The following SIN3A variants were observed in gnomAD, a reference collection of about 807,000 sequenced individuals.
The protein encoded by SIN3A is SIN3 transcription regulator family member A.
A neutral mutation model predicts 146.1 loss-of-function variants in SIN3A; 14 were observed. The ratio of observed to expected loss-of-function variants is 0.10; its 90% confidence interval spans 0.06 to 0.15. SIN3A has a LOEUF of 0.15. Ranked by LOEUF, SIN3A falls within the 10% of genes least tolerant of loss-of-function variation. The pLI is 1.00. For synonymous variants in SIN3A, 572 were observed against 572.0 expected, an observed-to-expected ratio of 1.00 and a Z score of 0.00; for missense variants, 1,028 against 1,576.0, an observed-to-expected ratio of 0.65 and a Z score of 5.89.
intron 1 of SIN3A, among the ~76,000 whole-genome samples, chr15:75,439,925 C>T (rs947181267): frequency 4.0e-5 from 6 of 151,274 alleles, no homozygotes; most frequent in African/African-American, 1.5e-4. Flanking sequence ...CTGAGGCGGG[C>T]GGATCACCTG....
chr15:75,452,267 C>T (rs1465915243), upstream of SIN3A, among the ~76,000 whole-genome samples: 1 of 152,242 alleles, frequency 6.6e-6, no homozygotes, highest in Non-Finnish European at 1.5e-5. Context: ...GCTAATTCCA[C>T]CCTGCGCGAG....
rs138854954 is a variant in SIN3A at position 75,375,868 on chromosome 15, G to A, written c.3388C>T (p.Leu1130=). The A allele has an allele frequency of 5.6e-4, 901 of 1,613,900 alleles. 2 individuals are homozygous for A. The highest frequency in any genetic ancestry group is 7.0e-4 in the Non-Finnish European group (829 of 1,180,022). The change falls in exon 20 of 21, where the codon CTA becomes TTA. Residue 1130 remains leucine, a synonymous_variant. Transcript: ENST00000394947. The stretch of plus-strand genomic sequence containing the variant: ...CGTTGACACTTCCGGATCCGCCGTA[G>A]ATTCCTATTGCAGAAAAGCCCCGGA... ...AQKPVFLPRN[L]RRIRKCQRGR...
In SIN3A at chr15:75,407,099, C is replaced by T; in HGVS notation, c.1363G>A (p.Ala455Thr). The change falls in exon 9 of 21, where the codon GCC (alanine) becomes ACC (threonine). Residue 455 changes from alanine to threonine, a missense_variant. Physicochemically the swap from Ala to Thr is moderately conservative, Grantham distance 58 (BLOSUM62 0). Around this residue, in one of 9 missense-constraint regions of SIN3A, gnomAD observed 62 missense variants for 63.5 expected, o/e 0.98. Coordinates refer to ENST00000394947, the MANE Select transcript of SIN3A (RefSeq NM_001145358.2). Reference protein sequence around the residue: ...LNLKDSSMADASKHGGGTESL... With the variant: ...LNLKDSSMADTSKHGGGTESL... ...TCTGTTCCACCACCATGTTTGCTGGCATCTGCCATAGAAGAATCCTTCAGA... is the reference window on the plus strand; with the variant it reads ...TCTGTTCCACCACCATGTTTGCTGGTATCTGCCATAGAAGAATCCTTCAGA... 6.2e-7 allele frequency: 1 copy of T among 1,613,278 alleles called. No individual in the cohort carries two copies. The highest frequency in any genetic ancestry group is 8.5e-7 in the Non-Finnish European group (1 of 1,179,606).
intron 1 of SIN3A, among the ~76,000 whole-genome samples, chr15:75,443,944 C>T (rs1331493549): frequency 6.6e-6 from 1 of 152,178 alleles, no homozygotes; most frequent in Non-Finnish European, 1.5e-5. Flanking sequence ...TGATTTATTT[C>T]ACTACTGCAT....
intron 1 of SIN3A, among the ~76,000 whole-genome samples, chr15:75,439,391 A>T (rs1489472428): frequency 6.6e-6 from 1 of 150,944 alleles, no homozygotes; most frequent in African/African-American, 2.4e-5. Flanking sequence ...CCCAGGCTGG[A>T]GCGCAGTGGC....
chr15:75,376,494 T>C (rs985400941), intron 19 of SIN3A: 4 of 153,206 alleles, frequency 2.6e-5, no homozygotes, highest in African/African-American at 9.7e-5. Flanking sequence ...GGTGGTAGGC[T>C]TGCTAAATCT....
Position 75,371,382 on chromosome 15 carries a change from C to G in SIN3A, c.*597G>C, listed in dbSNP as rs1333495519. Reference sequence around the variant, plus strand: ...AGAAAAGGGTAGGCAGCAAGGGAATCGTCAGGAATAAAATCCACAAGATGA... The same window carrying G: ...AGAAAAGGGTAGGCAGCAAGGGAATGGTCAGGAATAAAATCCACAAGATGA... On this transcript the variant is annotated 3_prime_UTR_variant, in exon 21 of 21. Transcript: ENST00000394947. 6.6e-6 allele frequency: 1 copy of G among 152,108 alleles called. No individual in the cohort carries two copies. The highest frequency in any genetic ancestry group is 1.5e-5 in the Non-Finnish European group (1 of 68,060). 9.4% of individuals were successfully genotyped at this position (152,108 alleles called of 1,614,324 possible). A position where few individuals can be genotyped will look rare whatever the true frequency, so the allele number is the denominator to read the frequency against.
intron 2 of SIN3A, among the ~76,000 whole-genome samples, chr15:75,428,544 G>C (rs2073964036): frequency 6.6e-6 from 1 of 152,044 alleles, no homozygotes; most frequent in Admixed American, 6.6e-5. Context: ...TTCACACTCT[G>C]TCACCCACGC....
chr15:75,449,599 TAC>T (rs2074365026), intron 1 of SIN3A, among the ~76,000 whole-genome samples: 2 of 152,184 alleles, frequency 1.3e-5, no homozygotes, highest in African/African-American at 4.8e-5. Flanking sequence ...AGAAGTCACA[TAC>T]AGAAGGCTAC....
chr15:75,427,997 A>T (rs80193967), intron 2 of SIN3A, among the ~76,000 whole-genome samples: 2 of 151,486 alleles, frequency 1.3e-5, no homozygotes, highest in Non-Finnish European at 2.9e-5. Context: ...ATAAATAAAT[A>T]AATGAATAAA....
chr15:75,398,009 C>A (rs2073336547), intron 12 of SIN3A, among the ~76,000 whole-genome samples: 1 of 152,180 alleles, frequency 6.6e-6, no homozygotes, highest in Admixed American at 6.5e-5. Flanking sequence ...CTGCCAGTGG[C>A]CAGGCAGCAT....
At chr15:75,425,904 G>C (rs1039885120) in intron 2 of SIN3A, among the ~76,000 whole-genome samples, 1 of 152,130 alleles carries the variant, frequency 6.6e-6, no homozygotes, top group African/African-American at 2.4e-5. Flanking sequence ...GAAGAAATGA[G>C]GGAGAGGGAG....
At chr15:75,442,023 G>C (rs921995797) in intron 1 of SIN3A, among the ~76,000 whole-genome samples, 1 of 148,130 alleles carries the variant, frequency 6.8e-6, no homozygotes. Context: ...GGGAGGCTGA[G>C]GCAGGAGAAT....
intron 8 of SIN3A, among the ~76,000 whole-genome samples, chr15:75,408,643 A>G (rs1198882551): frequency 1.3e-5 from 2 of 152,238 alleles, no homozygotes; most frequent in Non-Finnish European, 2.9e-5. Flanking sequence ...AGTGTTAACT[A>G]TAACAAAAAA....
At chr15:75,433,013 G>A (rs1337294069) in intron 1 of SIN3A, among the ~76,000 whole-genome samples, 1 of 152,142 alleles carries the variant, frequency 6.6e-6, no homozygotes, top group Non-Finnish European at 1.5e-5. Context: ...TGCACCCCAG[G>A]CTGGGGGACA....
intron 3 of SIN3A, chr15:75,421,407 T>C (rs1261081522): frequency 6.6e-6 from 1 of 152,210 alleles, no homozygotes; most frequent in Non-Finnish European, 1.5e-5. Flanking sequence ...TATGCATTAG[T>C]CAATACTATG....
At chr15:75,390,914 A>G (rs1054165041) in intron 15 of SIN3A, among the ~76,000 whole-genome samples, 2 of 152,216 alleles carry the variant, frequency 1.3e-5, no homozygotes, top group African/African-American at 2.4e-5. Context: ...CTAAAATGAA[A>G]AAAGTTACAA....
chr15:75,411,642 C>T lies in SIN3A; in HGVS notation c.858G>A (p.Val286=). Residue 286 remains valine, a synonymous_variant, in exon 6 of 21, where the codon GTG becomes GTA. Transcript: ENST00000394947. ...ATGGGGCCGTTCCCAACGAGATTGT[C>T]ACTGGTGTGTGAGGCTGGACCGGCG... ...RSPPVQPHTP[V]TISLGTAPSL... The T allele has an allele frequency of 6.2e-7, 1 of 1,614,130 alleles. No individual in the cohort carries two copies.
chr15:75,421,913 A>T (rs893957704), intron 3 of SIN3A: 5 of 152,206 alleles, frequency 3.3e-5, no homozygotes, highest in African/African-American at 7.2e-5. Flanking sequence ...CGTACCACAC[A>T]TACTCAGCAG....
Sources: gnomAD v4.1 joint callset for allele counts (sites outside exome capture counted in the v4.1 genomes callset) on GRCh38, gnomAD v4.1.1 for gene constraint, gnomAD v4.1.1 regional missense constraint, MANE v1.5 for transcripts, NCBI Gene and HGNC (gene_info 2026-07-23, HGNC 2026-07-21) for gene names.